CNTN6: variants seen among roughly 807,000 people sequenced by gnomAD.
CNTN6 encodes the protein contactin 6, also known as contactin-6.
A neutral mutation model predicts 122.8 loss-of-function variants in CNTN6; 137 were observed. The ratio of observed to expected loss-of-function variants is 1.12; its 90% CI spans 0.97 to 1.29. The LOEUF (loss-of-function observed/expected upper bound fraction) is 1.29. Ranked by LOEUF, CNTN6 falls within the 50% of genes most tolerant of loss-of-function variation. The probability of loss-of-function intolerance (pLI) is 0.00; values close to 1 mark genes in which losing one functional copy is unlikely to be tolerated. For missense variants in CNTN6, 1,634 were observed against 1,223.4 expected, an observed-to-expected ratio of 1.34 and a Z score of -5.01; for synonymous variants, 570 against 426.0, an observed-to-expected ratio of 1.34 and a Z score of -4.16.
intron 5 of CNTN6, among the ~76,000 whole-genome samples, chr3:1,283,208 G>A (rs1359663654): frequency 2.0e-5 from 3 of 152,128 alleles, no homozygotes; most frequent in African/African-American, 7.2e-5. Context: ...GCCTGCCTCG[G>A]CTTCCCAAAG....
chr3:1,237,188 T>C (rs1162781237), intron 4 of CNTN6, among the ~76,000 whole-genome samples: 1 of 151,800 alleles, frequency 6.6e-6, no homozygotes, highest in East Asian at 1.9e-4. Context: ...ATAGATAGTA[T>C]AAATAAAAAA....
In CNTN6 at chr3:1,321,659, C is replaced by G; in HGVS notation, c.771C>G (p.Pro257=). 1.9e-6 allele frequency: 3 copies of G among 1,610,670 alleles called. No homozygotes were observed. The highest frequency in any genetic ancestry group is 2.5e-6 in the Non-Finnish European group (3 of 1,178,024). The change falls in exon 8 of 23, where the codon CCC becomes CCG. Residue 257 remains proline (P), a synonymous_variant. Coordinates refer to ENST00000446702, the MANE Select transcript of CNTN6 (RefSeq NM_001289080.2). The part of the protein sequence containing the change: ...LECFALGNPV[P]DISWRRLDGS... ...AGGTGTAACTGTTTAGTCCAGTCCC[C>G]GATATTAGTTGGAGAAGGTTGGACG...
At chr3:1,267,978 T>C (rs919085721) in intron 4 of CNTN6, among the ~76,000 whole-genome samples, 10 of 152,216 alleles carry the variant, frequency 6.6e-5, no homozygotes, top group African/African-American at 2.2e-4. Flanking sequence ...TGGCCTTTTC[T>C]GGATACTCCC....
chr3:1,391,370 A>T, intron 20 of CNTN6, among the ~76,000 whole-genome samples: 1 of 120,270 alleles, frequency 8.3e-6, no homozygotes. Context: ...CATGCTAAAA[A>T]CTCTCAATAA....
chr3:1,261,191 A>C (rs2094840590), intron 4 of CNTN6, among the ~76,000 whole-genome samples: 1 of 152,164 alleles, frequency 6.6e-6, no homozygotes, highest in Non-Finnish European at 1.5e-5. Flanking sequence ...GACTTCCTTT[A>C]AATGTCTACA....
intron 7 of CNTN6, among the ~76,000 whole-genome samples, chr3:1,309,284 A>G (rs1399856756): frequency 2.6e-5 from 4 of 152,106 alleles, no homozygotes; most frequent in African/African-American, 4.8e-5. Flanking sequence ...ATTTTCATTG[A>G]TGGTCCATTT....
chr3:1,245,352 C>G (rs1289221650), intron 4 of CNTN6, among the ~76,000 whole-genome samples: 8 of 103,546 alleles, frequency 7.7e-5, no homozygotes, highest in African/African-American at 2.0e-4. Context: ...GAATACTACT[C>G]AGCCATAAAA....
intron 12 of CNTN6, among the ~76,000 whole-genome samples, chr3:1,366,503 G>C (rs1297008691): frequency 6.6e-6 from 1 of 152,140 alleles, no homozygotes; most frequent in Non-Finnish European, 1.5e-5. Context: ...TCAGATGCTT[G>C]AGTTTCTTAA....
intron 20 of CNTN6, among the ~76,000 whole-genome samples, chr3:1,386,907 T>C (rs1377849299): frequency 3.3e-5 from 5 of 152,132 alleles, no homozygotes; most frequent in African/African-American, 1.2e-4. Flanking sequence ...CTTATGCGTA[T>C]ATATGCGTAT....
At chr3:1,227,074 T>G (rs2094294092) in intron 3 of CNTN6, among the ~76,000 whole-genome samples, 1 of 152,150 alleles carries the variant, frequency 6.6e-6, no homozygotes, top group African/African-American at 2.4e-5. Context: ...AATGACCAAA[T>G]AAAATTTCTA....
chr3:1,372,386 C>G lies in CNTN6; in HGVS notation c.1580C>G (p.Pro527Arg), dbSNP rs1404153225. 3 of 1,612,338 alleles carry G rather than the reference C, an allele frequency of 1.9e-6. No individual in the cohort carries two copies. The highest frequency in any genetic ancestry group is 2.5e-6 in the Non-Finnish European group (3 of 1,178,682). ...IVLPCQVSHD[P>R]SIEVVFVWFF... The stretch of plus-strand genomic sequence containing the variant: ...CTACCATGCCAGGTGTCCCATGACC[C>G]CTCCATTGAAGTGGTATTTGTATGG... Residue 527 changes from proline (P) to arginine (R), a missense_variant, in exon 13 of 23, where the codon CCC becomes CGC. Coordinates refer to ENST00000446702, the MANE Select transcript of CNTN6 (RefSeq NM_001289080.2).
At chr3:1,315,336 G>A (rs1699943059) in intron 7 of CNTN6, among the ~76,000 whole-genome samples, 1 of 152,032 alleles carries the variant, frequency 6.6e-6, no homozygotes, top group African/African-American at 2.4e-5. Flanking sequence ...GCCACAGTAG[G>A]AGAAACAGTC....
At chr3:1,385,927 C>T (rs899689609) in intron 20 of CNTN6, 130 bp downstream of exon 20, 2 of 806,764 alleles carry the variant, frequency 2.5e-6, no homozygotes, top group Non-Finnish European at 3.8e-6. Flanking sequence ...TGGTTTGTCC[C>T]TTAAATATGG....
At chr3:1,360,050 T>G (rs1707227694) in intron 12 of CNTN6, among the ~76,000 whole-genome samples, 1 of 152,116 alleles carries the variant, frequency 6.6e-6, no homozygotes, top group Non-Finnish European at 1.5e-5. Flanking sequence ...TTTGGTTGAT[T>G]AAACCTTCCA....
chr3:1,364,003 A>G (rs1253312048), intron 12 of CNTN6, among the ~76,000 whole-genome samples: 1 of 151,872 alleles, frequency 6.6e-6, no homozygotes, highest in Non-Finnish European at 1.5e-5. Context: ...TTGCCTGATG[A>G]TTTATGATGT....
intron 1 of CNTN6, among the ~76,000 whole-genome samples, chr3:1,096,592 G>C (rs2090539760): frequency 6.6e-6 from 1 of 152,146 alleles, no homozygotes; most frequent in South Asian, 2.1e-4. Flanking sequence ...TTTGCCACTT[G>C]AATGAATAGT....
At chr3:1,160,687 AT>A (rs1402884137) in intron 2 of CNTN6, among the ~76,000 whole-genome samples, 1 of 151,156 alleles carries the variant, frequency 6.6e-6, no homozygotes, top group Non-Finnish European at 1.5e-5. Context: ...AGAAAAATTA[AT>A]TTGATATCCC....
chr3:1,311,888 T>C (rs1056509631), intron 7 of CNTN6, among the ~76,000 whole-genome samples: 1 of 152,018 alleles, frequency 6.6e-6, no homozygotes, highest in Non-Finnish European at 1.5e-5. Flanking sequence ...TTTCAATATA[T>C]ATTTATAGCC....
At position 1,330,003 on chromosome 3, in the gene CNTN6, T is replaced by C. The variant is rs193249501; in HGVS notation, c.1364+68T>C. 2.4e-6 allele frequency: 3 copies of C among 1,230,248 alleles called. No individual in the cohort carries two copies. The Admixed American group carries it at 1.0e-4, about 42-fold the overall frequency. The allele number at this position is 1,230,248 out of a possible 1,614,324, so 76.2% of individuals were successfully genotyped here. A position where few individuals can be genotyped will look rare whatever the true frequency, so the allele number is the denominator to read the frequency against. ...TAACATCTTCCAAATTTTTAGGTTT[T>C]AGTAGGCCTTTCAAAATTTCCTCTT... is the stretch of plus-strand genomic sequence containing the variant. On this transcript the variant is annotated intron_variant, in intron 11 of 22. Transcript: ENST00000446702.
Sources: gnomAD v4.1 joint callset for allele counts (sites outside exome capture counted in the v4.1 genomes callset) on GRCh38, gnomAD v4.1.1 for gene constraint, MANE v1.5 for transcripts, NCBI Gene and HGNC (gene_info 2026-07-23, HGNC 2026-07-21) for gene names.